COBLL1: variants seen among roughly 807,000 people sequenced by gnomAD.
The protein encoded by COBLL1 is cordon-bleu protein-like 1.
In COBLL1, 50 loss-of-function variants were observed where a neutral mutation model predicts 94.8. That is an observed-to-expected ratio of 0.53 (90% CI 0.42 to 0.67). The LOEUF is 0.67. Ranked by LOEUF, COBLL1 falls within the 30% of genes least tolerant of loss-of-function variation. The probability of loss-of-function intolerance (pLI) is 0.00; values close to 1 mark genes in which losing one functional copy is unlikely to be tolerated. For missense variants in COBLL1, 1,362 were observed against 1,348.7 expected (o/e 1.01, Z -0.15); for synonymous variants, 448 against 473.8 (o/e 0.95, Z 0.71).
In COBLL1 at chr2:164,704,990, A is replaced by G. The variant is rs371585619; in HGVS notation, c.1112T>C (p.Ile371Thr). ...KRKAPSPPSK[I>T]PPHQSDENSR... ...ATTTTCATCACTTTGATGCGGGGGT[A>G]TTTTGGAGGGTGGGGAAGGTGCTTT... Residue 371 changes from isoleucine to threonine, a missense_variant, in exon 8 of 14, where the codon ATA becomes ACA. Coordinates refer to ENST00000652658, the MANE Select transcript of COBLL1 (RefSeq NM_001365672.2). 6.2e-7 allele frequency: 1 copy of G among 1,600,842 alleles called. No individual in the cohort carries two copies. The highest frequency in any genetic ancestry group is 8.5e-7 in the Non-Finnish European group (1 of 1,175,142).
intron 7 of COBLL1, among the ~76,000 whole-genome samples, chr2:164,716,143 C>T (rs560435553): frequency 5.3e-5 from 8 of 152,234 alleles, no homozygotes; most frequent in East Asian, 3.9e-4. Flanking sequence ...TCAGCAGATA[C>T]GGTGCAGAAA....
At chr2:164,815,933 A>G (rs1217285935) in intron 2 of COBLL1, among the ~76,000 whole-genome samples, 1 of 152,094 alleles carries the variant, frequency 6.6e-6, no homozygotes, top group Admixed American at 6.6e-5. Flanking sequence ...CGAAATCCTA[A>G]TTATGGAAAA....
chr2:164,722,290 G>T lies in COBLL1; in HGVS notation c.781C>A (p.Pro261Thr). Residue 261 changes from proline (P) to threonine (T), a missense_variant, in exon 7 of 14, where the codon CCT (proline) becomes ACT (threonine). Coordinates refer to ENST00000652658, the MANE Select transcript of COBLL1 (RefSeq NM_001365672.2). ...GTTGGGCGGTGCTTATTTACTAGAG[G>T]GGTTGCAGGGGCACTTGCAGTCTAG... ...RDQTASAPAT[P>T]LVNKHRPTFT... 1 of 1,613,736 alleles carries T rather than the reference G, an allele frequency of 6.2e-7. No individual in the cohort carries two copies. The highest frequency in any genetic ancestry group is 1.1e-5 in the South Asian group (1 of 91,026).
At chr2:164,735,736 A>G (rs1686270149) in intron 3 of COBLL1, among the ~76,000 whole-genome samples, 1 of 151,868 alleles carries the variant, frequency 6.6e-6, no homozygotes, top group African/African-American at 2.4e-5. Context: ...AAAGATAACA[A>G]TTCTGGTTGG....
chr2:164,770,229 C>T (rs1378036742), intron 2 of COBLL1, among the ~76,000 whole-genome samples: 8 of 151,858 alleles, frequency 5.3e-5, no homozygotes, highest in Admixed American at 5.3e-4. Context: ...TACTGTATGC[C>T]GTATCTGTGT....
At chr2:164,671,632 C>T (rs756627142) in intron 1 of COBLL1, among the ~76,000 whole-genome samples, 5 of 152,056 alleles carry the variant, frequency 3.3e-5, no homozygotes, top group Admixed American at 6.5e-5. Flanking sequence ...AGAGATTAAA[C>T]AGAGGAGAAT....
At chr2:164,820,927 G>A (rs1043499637) in intron 2 of COBLL1, among the ~76,000 whole-genome samples, 15 of 152,206 alleles carry the variant, frequency 9.9e-5, no homozygotes, top group Middle Eastern at 3.4e-3. Context: ...TTGCTCTGTC[G>A]CCCAGACTGG....
chr2:164,744,805 T>C (rs1382238950), intron 2 of COBLL1, among the ~76,000 whole-genome samples: 1 of 152,156 alleles, frequency 6.6e-6, no homozygotes, highest in Non-Finnish European at 1.5e-5. Context: ...CTAATAATTT[T>C]CTAATAAATA....
At chr2:164,793,208 A>G (rs1015671758) in intron 2 of COBLL1, among the ~76,000 whole-genome samples, 1 of 152,150 alleles carries the variant, frequency 6.6e-6, no homozygotes. Context: ...TGACTTCTGC[A>G]CTATTTAAGT....
chr2:164,755,421 T>C (rs987179429), intron 2 of COBLL1, among the ~76,000 whole-genome samples: 1 of 152,218 alleles, frequency 6.6e-6, no homozygotes, highest in African/African-American at 2.4e-5. Flanking sequence ...GTATGTTCAA[T>C]TAATTCTTAA....
chr2:164,687,403 G>T lies in COBLL1; in HGVS notation c.3301-1371C>A, dbSNP rs1683356677. The T allele has an allele frequency of 9.1e-6, 8 of 880,052 alleles. No individual in the cohort carries two copies. The South Asian group carries it at 1.1e-4, about 12-fold the overall frequency. 54.5% of individuals were successfully genotyped at this position (880,052 alleles called of 1,614,324 possible). A position where few individuals can be genotyped will look rare whatever the true frequency, so the allele number is the denominator to read the frequency against. ...TTCAAATTCATCGACATTGAACTTG[G>T]TGAAGCCCCATTTCTTTGAGAAGTG... On this transcript the variant is annotated intron_variant, in intron 13 of 13. Coordinates refer to ENST00000652658, the MANE Select transcript of COBLL1 (RefSeq NM_001365672.2).
At chr2:164,798,287 C>T (rs1231847192) in intron 2 of COBLL1, among the ~76,000 whole-genome samples, 1 of 152,188 alleles carries the variant, frequency 6.6e-6, no homozygotes, top group Non-Finnish European at 1.5e-5. Context: ...TGTGAAATAT[C>T]AAATTCCTCA....
chr2:164,707,351 G>A (rs371388865), intron 7 of COBLL1, among the ~76,000 whole-genome samples: 26 of 152,212 alleles, frequency 1.7e-4, no homozygotes, highest in African/African-American at 4.8e-4. Flanking sequence ...ATGTTGGCTA[G>A]GCTGCTCTCG....
chr2:164,751,379 G>A (rs1486373468), intron 2 of COBLL1, among the ~76,000 whole-genome samples: 2 of 151,566 alleles, frequency 1.3e-5, no homozygotes, highest in Non-Finnish European at 2.9e-5. Context: ...GGTTCTCTAT[G>A]AGCATTTTTT....
In COBLL1 at chr2:164,841,575, G is replaced by C; in HGVS notation, c.-51+135C>G. On this transcript the variant is annotated intron_variant, in intron 1 of 13. Coordinates refer to ENST00000652658, the MANE Select transcript of COBLL1 (RefSeq NM_001365672.2). This position sits in a 1 kb window ranked among gnomAD's most constrained non-coding sequence, Gnocchi z 5.5. ...GGAGGAGGAGCGGGGCCGGGCGCAC[G>C]GGCACCGCTGCCACGCCGGCAGCGC... is the stretch of plus-strand genomic sequence containing the variant. The C allele has an allele frequency of 1.9e-6, 1 of 535,594 alleles. No homozygotes were observed. Among genetic ancestry groups the C allele is most frequent in the Non-Finnish European group, 2.6e-6 (1 of 387,688 alleles). The allele number at this position is 535,594 out of a possible 1,614,324, so 33.2% of individuals were successfully genotyped here. A position where few individuals can be genotyped will look rare whatever the true frequency, so the allele number is the denominator to read the frequency against.
intron 12 of COBLL1, among the ~76,000 whole-genome samples, chr2:164,693,108 C>T (rs147336176): frequency 5.9e-5 from 9 of 152,180 alleles, no homozygotes; most frequent in South Asian, 4.1e-4. Flanking sequence ...CTGCCAAATA[C>T]GTATCTTTAC....
chr2:164,747,771 G>A lies in COBLL1; in HGVS notation c.42-3896C>T, dbSNP rs75920831. Among the ~76,000 whole-genome samples the A allele has an allele frequency of 2.3e-3, 347 of 152,128 alleles. 2 individuals are homozygous for A. Among genetic ancestry groups the A allele is most frequent in the African/African-American group, 7.9e-3 (329 of 41,510 alleles). ...ATCACAGGCATGAGCCACCACACTG[G>A]GGCATTTACATTAGACTTCTAGGAA... On this transcript the variant is annotated intron_variant, in intron 2 of 13. Coordinates refer to ENST00000652658, the MANE Select transcript of COBLL1 (RefSeq NM_001365672.2).
rs1045093778 is a variant in COBLL1, at chr2:164,841,618, G to A, written c.-51+92C>T. On this transcript the variant is annotated intron_variant, in intron 1 of 13. Coordinates refer to ENST00000652658, the MANE Select transcript of COBLL1 (RefSeq NM_001365672.2). This position sits in a 1 kb window ranked among gnomAD's most constrained non-coding sequence, Gnocchi z 5.5. The stretch of plus-strand genomic sequence containing the variant: ...GGCAGCGCACTCCCAGGCTCCTCCG[G>A]CCGAGTTTGCACAAACAAAACGCCC... 2 of 359,354 alleles carry A rather than the reference G, an allele frequency of 5.6e-6. No individual in the cohort carries two copies. Among genetic ancestry groups the A allele is most frequent in the Non-Finnish European group, 9.1e-6 (2 of 218,912 alleles). The allele number at this position is 359,354 out of a possible 1,614,324, so 22.3% of individuals were successfully genotyped here.
At chr2:164,819,028 C>T (rs1332264283) in intron 2 of COBLL1, among the ~76,000 whole-genome samples, 1 of 152,004 alleles carries the variant, frequency 6.6e-6, no homozygotes, top group East Asian at 1.9e-4. Flanking sequence ...GCCTCAGCCT[C>T]TCAAAGTGCT....
Sources: gnomAD v4.1 joint callset for allele counts (sites outside exome capture counted in the v4.1 genomes callset) on GRCh38, gnomAD v4.1.1 for gene constraint, Gnocchi (gnomAD v3.1) non-coding constraint, MANE v1.5 for transcripts, NCBI Gene and HGNC (gene_info 2026-07-23, HGNC 2026-07-21) for gene names.